GTF2A2: variants seen among roughly 807,000 people sequenced by gnomAD.
GTF2A2 encodes the protein general transcription factor IIA subunit 2, also known as transcription initiation factor IIA subunit 2.
GTF2A2 carries 9 observed loss-of-function variants against 14.3 expected under a neutral mutation model. The ratio of observed to expected loss-of-function variants is 0.63; its 90% CI spans 0.38 to 1.10. The LOEUF (loss-of-function observed/expected upper bound fraction) is 1.10, where lower values mean the gene tolerates loss of function less well. Among genes scored for constraint, GTF2A2 ranks in the 50% least tolerant of loss-of-function variants. GTF2A2 has a pLI of 0.01. For missense variants in GTF2A2, 90 were observed against 124.6 expected, an observed-to-expected ratio of 0.72 and a Z score of 1.32; for synonymous variants, 56 against 46.0, an observed-to-expected ratio of 1.22 and a Z score of -0.88.
At chr15:59,651,939 C>T (rs562804452) in intron 2 of GTF2A2, 20 of 291,566 alleles carry the variant, frequency 6.9e-5, no homozygotes, top group Middle Eastern at 1.0e-3. Context: ...CCACCTTGTC[C>T]TCCTAAAGTG....
intron 3 of GTF2A2, among the ~76,000 whole-genome samples, chr15:59,646,034 A>T (rs1244000542): frequency 1.2e-3 from 1 of 862 alleles, no homozygotes; most frequent in African/African-American, 1.3e-3. Context: ...GCTCCGCCTT[A>T]AAAAAAAAAA....
At chr15:59,645,346 C>A (rs1253285107) in intron 3 of GTF2A2, among the ~76,000 whole-genome samples, 1 of 152,004 alleles carries the variant, frequency 6.6e-6, no homozygotes, top group African/African-American at 2.4e-5. Flanking sequence ...CACGCTGTAA[C>A]CCTAAGAAAT....
At chr15:59,642,297 G>GT (rs748766489) in intron 3 of GTF2A2, 35 bp from the exon 4 acceptor site, 20 of 1,544,170 alleles carry the variant, frequency 1.3e-5, no homozygotes, top group South Asian at 1.3e-4. Flanking sequence ...ACCGTGAAAC[G>GT]TTTTTTCCCC....
rs1206762121 is a variant in GTF2A2 at position 59,650,806 on chromosome 15, A to T, written c.73-33T>A. 3.6e-6 allele frequency: 4 copies of T among 1,111,638 alleles called. No individual in the cohort carries two copies. The Admixed American group carries it at 7.3e-5, about 20-fold the overall frequency. The allele number at this position is 1,111,638 out of a possible 1,614,324, so 68.9% of individuals were successfully genotyped here. On this transcript the variant is annotated intron_variant, in intron 2 of 4. Transcript: ENST00000396060. ...AAGGTAAAGGTCATAAATCCCGTTAAGGAAGAACATTAAAGACAAAGTAAA... is the reference window on the plus strand; with the variant it reads ...AAGGTAAAGGTCATAAATCCCGTTATGGAAGAACATTAAAGACAAAGTAAA...
chr15:59,645,726 C>A (rs1360131069), intron 3 of GTF2A2, among the ~76,000 whole-genome samples: 2 of 152,244 alleles, frequency 1.3e-5, no homozygotes, highest in East Asian at 3.9e-4. Flanking sequence ...TGTGTGTAAT[C>A]CACGATCTTA....
At chr15:59,651,997 T>G (rs1891807968) in intron 2 of GTF2A2, 1 of 461,194 alleles carries the variant, frequency 2.2e-6, no homozygotes. Flanking sequence ...TTTAGCTATA[T>G]TTAATGATAT....
intron 4 of GTF2A2, among the ~76,000 whole-genome samples, chr15:59,641,305 C>A (rs187706650): frequency 6.6e-6 from 1 of 151,260 alleles, no homozygotes; most frequent in Non-Finnish European, 1.5e-5. Flanking sequence ...TTACAGAGAA[C>A]GTTTTTCTTC....
chr15:59,650,542 CAAGTTCCAAAAATTGACT>C, intron 3 of GTF2A2, 109 bp downstream of exon 3: 1 of 568,462 alleles, frequency 1.8e-6, no homozygotes, highest in East Asian at 2.8e-5. Context: ...TACTATAAAA[CAAGTTCCAAAAATTGACT>C]AAGCCACCTC....
intron 4 of GTF2A2, among the ~76,000 whole-genome samples, chr15:59,639,499 T>G (rs1359860287): frequency 2.0e-5 from 3 of 150,458 alleles, no homozygotes; most frequent in African/African-American, 7.4e-5. Flanking sequence ...GTCTAGCTGT[T>G]GCCCAGGCTG....
chr15:59,641,912 C>G (rs1432337022), intron 4 of GTF2A2, among the ~76,000 whole-genome samples: 3 of 152,182 alleles, frequency 2.0e-5, no homozygotes, highest in Admixed American at 6.5e-5. Context: ...TTTACCCACA[C>G]AAATCCAACC....
At chr15:59,645,325 GACAGCGGACGC>G (rs1891567303) in intron 3 of GTF2A2, among the ~76,000 whole-genome samples, 1 of 152,170 alleles carries the variant, frequency 6.6e-6, no homozygotes, top group Admixed American at 6.5e-5. Context: ...TGAGACCAAG[GACAGCGGACGC>G]ACGCTGTAAC....
rs1891291990 is a variant in GTF2A2 at position 59,639,120 on chromosome 15, TA to T, written c.*11del. ...AACAGAAGATGGTGTAAAAAAGTCA[TA>T]TTTTTTCTATTCATTCTGTAGTATT... is the stretch of plus-strand genomic sequence containing the variant. On this transcript the variant is annotated 3_prime_UTR_variant, in exon 5 of 5. Transcript: ENST00000396060. 7.2e-7 allele frequency: 1 copy of T among 1,395,560 alleles called. No homozygotes were observed. The highest frequency in any genetic ancestry group is 1.0e-6 in the Non-Finnish European group (1 of 984,104). 86.4% of individuals were successfully genotyped at this position (1,395,560 alleles called of 1,614,324 possible).
chr15:59,647,101 T>G (rs768578099), intron 3 of GTF2A2, among the ~76,000 whole-genome samples: 42 of 152,084 alleles, frequency 2.8e-4, no homozygotes, highest in Non-Finnish European at 4.1e-4. Flanking sequence ...TACATACATA[T>G]AGTTTTTTTG....
intron 3 of GTF2A2, among the ~76,000 whole-genome samples, chr15:59,649,657 C>T (rs1288230228): frequency 1.3e-5 from 2 of 152,290 alleles, no homozygotes; most frequent in African/African-American, 4.8e-5. Context: ...TTTTTTGGCA[C>T]ATGAAACTGA....
chr15:59,644,711 A>G (rs1566928355), intron 3 of GTF2A2, among the ~76,000 whole-genome samples: 1 of 152,242 alleles, frequency 6.6e-6, no homozygotes, highest in Non-Finnish European at 1.5e-5. Context: ...GTCCTAAAGA[A>G]TAAGTAAGAG....
intron 3 of GTF2A2, among the ~76,000 whole-genome samples, chr15:59,649,646 A>AT (rs1486028838): frequency 6.6e-6 from 1 of 152,194 alleles, no homozygotes; most frequent in African/African-American, 2.4e-5. Flanking sequence ...ACTCCAGATA[A>AT]TTTTTTGGCA....
chr15:59,648,858 C>T (rs914411111), intron 3 of GTF2A2, among the ~76,000 whole-genome samples: 71 of 152,072 alleles, frequency 4.7e-4, no homozygotes, highest in Non-Finnish European at 7.1e-4. Flanking sequence ...GGCGTGAACC[C>T]GGGAGGCGGA....
Position 59,638,663 on chromosome 15 carries a change from G to C in GTF2A2, c.*469C>G, listed in dbSNP as rs753122340. 8 of 152,300 alleles carry C rather than the reference G, an allele frequency of 5.3e-5. No individual in the cohort carries two copies. The highest frequency in any genetic ancestry group is 1.0e-4 in the Non-Finnish European group (7 of 68,216). The allele number at this position is 152,300 out of a possible 1,614,324, so 9.4% of individuals were successfully genotyped here. On this transcript the variant is annotated 3_prime_UTR_variant, in exon 5 of 5. Transcript: ENST00000396060. ...TAACTTTGGTTTTGTATTTTAAAAA[G>C]CAAGGGATTTTCTTAAAAAATTCCA...
chr15:59,639,464 A>ATTTT lies in GTF2A2; in HGVS notation c.305-311_305-308dup, dbSNP rs10643204. Among the ~76,000 whole-genome samples the ATTTT allele has an allele frequency of 1.1e-4, 15 of 142,622 alleles. 1 individual carries two copies. Among genetic ancestry groups the ATTTT allele is most frequent in the Non-Finnish European group, 1.5e-4 (10 of 66,294 alleles). The allele number at this position is 142,622 out of a possible 152,430, so 93.6% of individuals were successfully genotyped here. ...TCCCCCAGGTCCTTTACTGTCCCAA[A>ATTTT]TTTTTTTTTTTTTTTTGAGATGGAG... On this transcript the variant is annotated intron_variant, in intron 4 of 4. Transcript: ENST00000396060.
Sources: gnomAD v4.1 joint callset for allele counts (sites outside exome capture counted in the v4.1 genomes callset) on GRCh38, gnomAD v4.1.1 for gene constraint, MANE v1.5 for transcripts, NCBI Gene and HGNC (gene_info 2026-07-23, HGNC 2026-07-21) for gene names.